Variants in ADAMTS18 observed in about 807,000 individuals in gnomAD.
ADAMTS18 encodes A disintegrin and metalloproteinase with thrombospondin motifs 18.
A neutral mutation model predicts 165.9 loss-of-function variants in ADAMTS18; 157 were observed. The ratio of observed to expected loss-of-function variants is 0.95; its 90% CI spans 0.83 to 1.08. The LOEUF (loss-of-function observed/expected upper bound fraction) is 1.08. Ranked by LOEUF, ADAMTS18 falls within the 50% of genes least tolerant of loss-of-function variation. ADAMTS18 has a pLI of 0.00. For synonymous variants in ADAMTS18, 782 were observed against 578.2 expected, an observed-to-expected ratio of 1.35 and a Z score of -5.06; for missense variants, 2,040 against 1,534.0, an observed-to-expected ratio of 1.33 and a Z score of -5.51.
chr16:77,320,908 G>A (rs950950782), intron 15 of ADAMTS18, among the ~76,000 whole-genome samples, 171 bp downstream of exon 15: 2 of 152,150 alleles, frequency 1.3e-5, no homozygotes, highest in African/African-American at 2.4e-5. Context: ...GTAATGTATC[G>A]ACGAAATTCC....
intron 3 of ADAMTS18, among the ~76,000 whole-genome samples, chr16:77,391,080 G>C (rs139820409): frequency 2.0e-5 from 3 of 152,186 alleles, no homozygotes; most frequent in African/African-American, 7.2e-5. Context: ...TCATCTAAAA[G>C]ACATCAAGCC....
chr16:77,284,397 G>C (rs1445770268), intron 22 of ADAMTS18, among the ~76,000 whole-genome samples: 7 of 151,978 alleles, frequency 4.6e-5, no homozygotes, highest in Admixed American at 2.6e-4. Context: ...CAAAGTACTG[G>C]GATTACAGGT....
chr16:77,421,368 A>G (rs1477062805), intron 3 of ADAMTS18, among the ~76,000 whole-genome samples: 1 of 152,216 alleles, frequency 6.6e-6, no homozygotes, highest in East Asian at 1.9e-4. Context: ...CTGAAGAGGA[A>G]CTCCTGGGTT....
intron 3 of ADAMTS18, among the ~76,000 whole-genome samples, chr16:77,388,602 T>C (rs1371362555): frequency 1.3e-5 from 2 of 152,214 alleles, no homozygotes; most frequent in African/African-American, 2.4e-5. Flanking sequence ...AAATGAAGGA[T>C]ACAGGCTTGC....
At chr16:77,401,218 C>T (rs548510905) in intron 3 of ADAMTS18, among the ~76,000 whole-genome samples, 1 of 152,260 alleles carries the variant, frequency 6.6e-6, no homozygotes, top group South Asian at 2.1e-4. Context: ...CATACCACTT[C>T]ACTCCAGCCT....
chr16:77,415,214 T>C (rs183371160), intron 3 of ADAMTS18, among the ~76,000 whole-genome samples: 4 of 152,388 alleles, frequency 2.6e-5, no homozygotes, highest in Admixed American at 6.5e-5. Context: ...ATATGCTCAA[T>C]GCGCTTATTG....
intron 16 of ADAMTS18, among the ~76,000 whole-genome samples, chr16:77,308,829 G>A (rs2055728600): frequency 6.6e-6 from 1 of 152,134 alleles, no homozygotes; most frequent in Non-Finnish European, 1.5e-5. Flanking sequence ...CTGATCTTCA[G>A]TTTTCACAAT....
chr16:77,398,920 G>C (rs975114270), intron 3 of ADAMTS18, among the ~76,000 whole-genome samples: 3 of 152,172 alleles, frequency 2.0e-5, no homozygotes, highest in East Asian at 1.9e-4. Context: ...AACCGTCATA[G>C]GGTAGCTGCT....
At chr16:77,293,714 CTG>C (rs1412004370) in intron 19 of ADAMTS18, among the ~76,000 whole-genome samples, 1 of 150,234 alleles carries the variant, frequency 6.7e-6, no homozygotes, top group Non-Finnish European at 1.5e-5. Context: ...GGGGATAAAA[CTG>C]TTCCACCTCA....
At chr16:77,331,600 G>T (rs755989689) in intron 12 of ADAMTS18, among the ~76,000 whole-genome samples, 42 of 152,144 alleles carry the variant, frequency 2.8e-4, no homozygotes, top group Non-Finnish European at 5.9e-4. Context: ...CCCAATCAGA[G>T]ATTATTTTGT....
chr16:77,356,628 A>T (rs2056634852), intron 8 of ADAMTS18, among the ~76,000 whole-genome samples: 1 of 151,894 alleles, frequency 6.6e-6, no homozygotes, highest in Non-Finnish European at 1.5e-5. Context: ...TATAATAAAC[A>T]TTTTTTTAAC....
chr16:77,382,242 G>A (rs533751295), intron 3 of ADAMTS18, among the ~76,000 whole-genome samples: 18 of 152,118 alleles, frequency 1.2e-4, no homozygotes, highest in Admixed American at 5.2e-4. Flanking sequence ...AGACAGAGTC[G>A]CTCTGTTGCC....
At chr16:77,292,295 A>G (rs1283113388) in intron 20 of ADAMTS18, among the ~76,000 whole-genome samples, 1 of 152,148 alleles carries the variant, frequency 6.6e-6, no homozygotes, top group Non-Finnish European at 1.5e-5. Flanking sequence ...CCCTGTCTCA[A>G]AAATAAAAAA....
chr16:77,433,394 A>G (rs1052287242), intron 2 of ADAMTS18: 3 of 152,266 alleles, frequency 2.0e-5, no homozygotes, highest in African/African-American at 4.8e-5. Context: ...GCTGTCGGTT[A>G]CATTCGGTTC....
At chr16:77,329,787 T>C (rs1403135492) in intron 12 of ADAMTS18, among the ~76,000 whole-genome samples, 1 of 152,126 alleles carries the variant, frequency 6.6e-6, no homozygotes, top group Non-Finnish European at 1.5e-5. Flanking sequence ...TAACAGACAA[T>C]TCTATCATGA....
intron 16 of ADAMTS18, among the ~76,000 whole-genome samples, chr16:77,304,061 G>A (rs1052428703): frequency 3.3e-4 from 50 of 151,864 alleles, no homozygotes; most frequent in Admixed American, 2.0e-4. Flanking sequence ...CCTATAAAAG[G>A]AATTGAAATG....
chr16:77,327,163 T>C (rs1466168334), intron 12 of ADAMTS18, among the ~76,000 whole-genome samples: 1 of 152,232 alleles, frequency 6.6e-6, no homozygotes, highest in Non-Finnish European at 1.5e-5. Flanking sequence ...AACATATACC[T>C]GCATGTGTCT....
At position 77,284,033 on chromosome 16, in the gene ADAMTS18, G is replaced by A; in HGVS notation, c.3589C>T (p.Leu1197=). 1 of 1,613,858 alleles carries A rather than the reference G, an allele frequency of 6.2e-7. No homozygotes were observed. Among genetic ancestry groups the A allele is most frequent in the Non-Finnish European group, 8.5e-7 (1 of 1,179,876 alleles). Reference sequence around the variant, plus strand: ...TTGCAGACACCATGCTGAGGAACTAGGTGACACCAGTTGAAGAAATCTACG... The same window carrying A: ...TTGCAGACACCATGCTGAGGAACTAAGTGACACCAGTTGAAGAAATCTACG... The part of the protein sequence containing the change: ...SCVDFFNWCH[L]VPQHGVCNHK... Residue 1197 remains leucine, a synonymous_variant, in exon 23 of 23, where the codon CTA becomes TTA. Transcript: ENST00000282849.
Position 77,284,023 on chromosome 16 carries a change from T to G in ADAMTS18, c.3599A>C (p.Gln1200Pro), listed in dbSNP as rs1263627288. 1.2e-6 allele frequency: 2 copies of G among 1,613,922 alleles called. No individual in the cohort carries two copies. The highest frequency in any genetic ancestry group is 1.7e-6 in the Non-Finnish European group (2 of 1,179,940). The change falls in exon 23 of 23, where the codon CAG becomes CCG. Residue 1200 changes from glutamine (Q) to proline (P), a missense_variant. By Grantham distance (76) the Gln-to-Pro change is moderately conservative. Transcript: ENST00000282849. ...DFFNWCHLVP[Q>P]HGVCNHKFYG... ...AAACTTGTGGTTGCAGACACCATGC[T>G]GAGGAACTAGGTGACACCAGTTGAA...
Sources: gnomAD v4.1 joint callset for allele counts (sites outside exome capture counted in the v4.1 genomes callset) on GRCh38, gnomAD v4.1.1 for gene constraint, MANE v1.5 for transcripts, NCBI Gene and HGNC (gene_info 2026-07-23, HGNC 2026-07-21) for gene names.